Variants in RBFOX3 observed in about 807,000 individuals in gnomAD.
RBFOX3 encodes the protein RNA binding protein fox-1 homolog 3.
A neutral mutation model predicts 48.7 loss-of-function variants in RBFOX3; 17 were observed. The observed-to-expected ratio is 0.35, with a 90% CI of 0.24 to 0.52. The LOEUF (loss-of-function observed/expected upper bound fraction) is 0.52, where lower values mean the gene tolerates loss of function less well. Among genes scored for constraint, RBFOX3 ranks in the 20% least tolerant of loss-of-function variants. RBFOX3 has a pLI of 0.94. For missense variants in RBFOX3, 382 were observed against 497.5 expected (o/e 0.77, Z 2.21); for synonymous variants, 212 against 209.5 (o/e 1.01, Z -0.10).
At chr17:79,420,239 T>C (rs1342259934) in intron 2 of RBFOX3, among the ~76,000 whole-genome samples, 3 of 151,790 alleles carry the variant, frequency 2.0e-5, no homozygotes, top group Non-Finnish European at 4.4e-5. Context: ...ACAAATTGGC[T>C]GGTGAGTCAC....
At chr17:79,546,051 C>T (rs1410075275) in intron 1 of RBFOX3, among the ~76,000 whole-genome samples, 1 of 152,268 alleles carries the variant, frequency 6.6e-6, no homozygotes, top group Non-Finnish European at 1.5e-5. Context: ...GTGGATACCT[C>T]TCGCAGATTT....
chr17:79,236,611 TA>T (rs1362693667), intron 3 of RBFOX3, among the ~76,000 whole-genome samples: 1 of 152,166 alleles, frequency 6.6e-6, no homozygotes, highest in Non-Finnish European at 1.5e-5. Flanking sequence ...ACCAAACACA[TA>T]ATTATAGAGG....
chr17:79,097,772 C>CA, intron 9 of RBFOX3, 27 bp from the exon 10 acceptor site: 2 of 1,550,488 alleles, frequency 1.3e-6, no homozygotes, highest in Non-Finnish European at 1.7e-6. Flanking sequence ...GAGACCTAGT[C>CA]ACTGCCTTCC....
intron 4 of RBFOX3, among the ~76,000 whole-genome samples, chr17:79,178,969 C>T (rs1196163546): frequency 1.3e-5 from 2 of 152,296 alleles, no homozygotes; most frequent in East Asian, 1.9e-4. Context: ...CTCCTCCCTC[C>T]GCTGGCCAGT....
At chr17:79,554,512 G>GTCACCCCTCAC (rs1599138279) in intron 1 of RBFOX3, among the ~76,000 whole-genome samples, 6 of 126,448 alleles carry the variant, frequency 4.7e-5, no homozygotes, top group African/African-American at 1.3e-4. Context: ...ACCTGGCCCT[G>GTCACCCCTCAC]CTGGCCCTTT....
rs1401583412 is a variant in RBFOX3 at position 79,175,078 on chromosome 17, C to A, written c.-33-59330G>T. ...CTTCCTCCATACCTGGCAAGTCTAT[C>A]TGCCTCTTTAGTGACACTCTATCTC... On this transcript the variant is annotated intron_variant, in intron 4 of 14. Transcript: ENST00000693108. Among the ~76,000 whole-genome samples, 4 of 152,220 alleles carry A rather than the reference C, an allele frequency of 2.6e-5. 1 individual carries two copies. In the East Asian group the frequency reaches 7.7e-4, roughly 29 times the overall value.
intron 4 of RBFOX3, among the ~76,000 whole-genome samples, chr17:79,116,767 G>A (rs74336319): frequency 0.053 from 8,040 of 152,334 alleles, 252 homozygotes; most frequent in Middle Eastern, 0.11. Context: ...TGCCCCAAGC[G>A]GGGAATACTG....
intron 2 of RBFOX3, among the ~76,000 whole-genome samples, chr17:79,341,842 G>A (rs1410938340): frequency 1.3e-5 from 2 of 152,246 alleles, no homozygotes; most frequent in East Asian, 3.8e-4. Flanking sequence ...AGGGCTAAGG[G>A]AAAAACAATT....
chr17:79,409,318 A>G (rs1314226837), intron 2 of RBFOX3, among the ~76,000 whole-genome samples: 4 of 152,156 alleles, frequency 2.6e-5, no homozygotes, highest in Admixed American at 2.6e-4. Flanking sequence ...GTGTGCACAC[A>G]TGGATTTCTT....
Position 79,255,371 on chromosome 17 carries a change from C to T in RBFOX3, c.-73-19566G>A, listed in dbSNP as rs1039464551. ...ACATCAGTGACACCGTTGAGAGACA[C>T]GTGGACACTTCAACATCTGCCCTGC... On this transcript the variant is annotated intron_variant, in intron 3 of 14. Coordinates refer to ENST00000693108, the MANE Select transcript of RBFOX3 (RefSeq NM_001350451.2). Among the ~76,000 whole-genome samples the T allele has an allele frequency of 3.3e-5, 5 of 152,122 alleles. No homozygotes were observed. The South Asian group carries it at 6.2e-4, about 19-fold the overall frequency.
chr17:79,326,650 T>A (rs1171057791), intron 2 of RBFOX3, among the ~76,000 whole-genome samples: 1 of 152,162 alleles, frequency 6.6e-6, no homozygotes, highest in East Asian at 1.9e-4. Context: ...CCCTGGGCAC[T>A]CCCTGCCAGA....
chr17:79,127,524 C>T (rs1417871444), intron 4 of RBFOX3, among the ~76,000 whole-genome samples: 1 of 152,096 alleles, frequency 6.6e-6, no homozygotes, highest in Non-Finnish European at 1.5e-5. Context: ...GTGCATATTA[C>T]AGGTCAAAGA....
At chr17:79,345,061 T>C (rs1266798494) in intron 2 of RBFOX3, among the ~76,000 whole-genome samples, 2 of 152,354 alleles carry the variant, frequency 1.3e-5, no homozygotes, top group East Asian at 3.9e-4. Flanking sequence ...TGCTGACTGT[T>C]CTCTGCCTGT....
At chr17:79,173,555 T>C (rs369770637) in intron 4 of RBFOX3, among the ~76,000 whole-genome samples, 2 of 152,174 alleles carry the variant, frequency 1.3e-5, no homozygotes, top group Admixed American at 1.3e-4. Flanking sequence ...TAAATGCCCC[T>C]GATGCCTTTA....
the RBFOX3 span, among the ~76,000 whole-genome samples, chr17:79,662,569 G>A: frequency 6.6e-6 from 1 of 152,052 alleles, no homozygotes; most frequent in Non-Finnish European, 1.5e-5. Flanking sequence ...CTGGTTCCAT[G>A]CCTGGGCTCT....
chr17:79,511,711 G>T (rs1469877304), intron 1 of RBFOX3, among the ~76,000 whole-genome samples: 3 of 150,164 alleles, frequency 2.0e-5, no homozygotes, highest in Non-Finnish European at 3.0e-5. Flanking sequence ...CATGACCAGG[G>T]GACGCACACC....
rs2063682364 is a variant in RBFOX3, at chr17:79,249,845, G to T, written c.-73-14040C>A. Among the ~76,000 whole-genome samples, 2 of 152,074 alleles carry T rather than the reference G, an allele frequency of 1.3e-5. No homozygotes were observed. The highest frequency in any genetic ancestry group is 1.3e-4 in the Admixed American group (2 of 15,270). On this transcript the variant is annotated intron_variant, in intron 3 of 14. Transcript: ENST00000693108. This position sits in a 1 kb window ranked among gnomAD's most constrained non-coding sequence, Gnocchi z 4.1. Reference sequence around the variant, plus strand: ...TCCCTAGATAGGCTTCTTCTGCCATGCCAGTCATTTCTGTATCTGTGTGTC... The same window carrying T: ...TCCCTAGATAGGCTTCTTCTGCCATTCCAGTCATTTCTGTATCTGTGTGTC...
At chr17:79,130,733 C>T (rs1478889524) in intron 4 of RBFOX3, among the ~76,000 whole-genome samples, 1 of 152,266 alleles carries the variant, frequency 6.6e-6, no homozygotes, top group Non-Finnish European at 1.5e-5. Context: ...CGATACCGAG[C>T]AGTCTTCTGA....
chr17:79,514,185 C>T (rs1313646574), intron 1 of RBFOX3, among the ~76,000 whole-genome samples: 3 of 152,308 alleles, frequency 2.0e-5, no homozygotes, highest in Admixed American at 1.3e-4. Flanking sequence ...CAGCAGAAAA[C>T]GCGGCCAACA....
Sources: gnomAD v4.1 joint callset for allele counts (sites outside exome capture counted in the v4.1 genomes callset) on GRCh38, gnomAD v4.1.1 for gene constraint, Gnocchi (gnomAD v3.1) non-coding constraint, MANE v1.5 for transcripts, NCBI Gene and HGNC (gene_info 2026-07-23, HGNC 2026-07-21) for gene names.